Variants in RPS4Y1 observed in about 807,000 individuals in gnomAD.
RPS4Y1 encodes small ribosomal subunit protein eS4, Y isoform 1.
For missense variants in RPS4Y1, 30 were observed against 60.9 expected, an observed-to-expected ratio of 0.49 and a Z score of 1.69; for synonymous variants, 23 against 20.8, an observed-to-expected ratio of 1.10 and a Z score of -0.28.
intron 4 of RPS4Y1, among the ~76,000 whole-genome samples, chrY:2,848,139 A>G (rs762645375): frequency 3.0e-5 from 1 of 33,725 alleles, no homozygotes; most frequent in East Asian, 7.8e-4. Flanking sequence ...ACTGAATCTC[A>G]TAAAGGTGAC....
intron 5 of RPS4Y1, among the ~76,000 whole-genome samples, chrY:2,863,567 G>A: frequency 3.0e-5 from 1 of 33,629 alleles, no homozygotes; most frequent in Non-Finnish European, 7.4e-5. Flanking sequence ...CCGCTTTTTC[G>A]GGATTATCTT....
At chrY:2,853,763 A>G in intron 4 of RPS4Y1, among the ~76,000 whole-genome samples, 1 of 33,670 alleles carries the variant, frequency 3.0e-5, no homozygotes, top group Non-Finnish European at 7.4e-5. Context: ...GAGGAAGAGC[A>G]GCATTGTGTA....
intron 2 of RPS4Y1, among the ~76,000 whole-genome samples, chrY:2,842,919 T>C: frequency 3.0e-5 from 1 of 33,644 alleles, no homozygotes; most frequent in African/African-American, 1.2e-4. Flanking sequence ...ATCGAGGCGC[T>C]TAAGATGCCA....
intron 5 of RPS4Y1, among the ~76,000 whole-genome samples, chrY:2,860,689 A>T: frequency 3.0e-5 from 1 of 33,649 alleles, no homozygotes. Context: ...ATGTCATCCC[A>T]CTGTCTTCTG....
At chrY:2,845,234 A>G (rs2051151813) in intron 3 of RPS4Y1, among the ~76,000 whole-genome samples, 4 of 31,438 alleles carry the variant, frequency 1.3e-4, no homozygotes, top group African/African-American at 3.8e-4. Context: ...GAGGGCGTAA[A>G]TGGGGCCAGG....
At chrY:2,854,116 C>G in intron 4 of RPS4Y1, 1 of 36,574 alleles carries the variant, frequency 2.7e-5, no homozygotes, top group African/African-American at 1.2e-4. Context: ...CAGGCATGAG[C>G]CACCGCACCC....
chrY:2,854,588 C>G lies in RPS4Y1; in HGVS notation c.361-12C>G, dbSNP rs770151411. ...TTACATATTGAATTGATTTTCCTTG[C>G]TGTGTTTATAGTACAAGTTGTGCAA... On this transcript the variant is annotated splice_polypyrimidine_tract_variant and intron_variant, in intron 4 of 6. Coordinates refer to ENST00000250784, the MANE Select transcript of RPS4Y1 (RefSeq NM_001008.4). 7.7e-6 allele frequency: 3 copies of G among 388,643 alleles called. No homozygotes were observed. Among genetic ancestry groups the G allele is most frequent in the Non-Finnish European group, 1.1e-5 (3 of 276,140 alleles).
chrY:2,842,332 G>A, intron 2 of RPS4Y1, 90 bp downstream of exon 2: 1 of 221,376 alleles, frequency 4.5e-6, no homozygotes, highest in South Asian at 4.1e-5. Flanking sequence ...TTTCTTGGGG[G>A]CGGCGTTTGC....
chrY:2,865,964 C>T, intron 6 of RPS4Y1, among the ~76,000 whole-genome samples: 2 of 33,776 alleles, frequency 5.9e-5, no homozygotes, highest in Admixed American at 5.3e-4. Flanking sequence ...TCACTGCAAG[C>T]TCTGCCTCCC....
At chrY:2,859,881 C>A (rs765763566) in intron 5 of RPS4Y1, among the ~76,000 whole-genome samples, 1 of 32,221 alleles carries the variant, frequency 3.1e-5, no homozygotes, top group South Asian at 7.1e-4. Flanking sequence ...TTTTGCTTAC[C>A]TTGGAAGGTC....
intron 5 of RPS4Y1, among the ~76,000 whole-genome samples, chrY:2,855,393 G>T (rs2051159250): frequency 3.0e-5 from 1 of 33,258 alleles, no homozygotes; most frequent in African/African-American, 1.2e-4. Context: ...TGCTTTTTTT[G>T]ATTTTGTTCT....
chrY:2,843,688 G>GA (rs2051150940), intron 2 of RPS4Y1, among the ~76,000 whole-genome samples: 11 of 33,481 alleles, frequency 3.3e-4, no homozygotes, highest in African/African-American at 1.3e-3. Context: ...GGCATGGTGA[G>GA]AGAGTAGTAG....
At position 2,867,160 on chromosome Y, in the gene RPS4Y1, T is replaced by C; in HGVS notation, c.*266T>C. On this transcript the variant is annotated 3_prime_UTR_variant, in exon 7 of 7. Coordinates refer to ENST00000250784, the MANE Select transcript of RPS4Y1 (RefSeq NM_001008.4). Reference sequence around the variant, plus strand: ...TCCAAAACGAAGTACAAAAAACGTATGACATTTCAGAAAGGACGGCATTCT... The same window carrying C: ...TCCAAAACGAAGTACAAAAAACGTACGACATTTCAGAAAGGACGGCATTCT... The C allele has an allele frequency of 1.2e-5, 1 of 84,816 alleles. No homozygotes were observed. Among genetic ancestry groups the C allele is most frequent in the Admixed American group, 1.7e-4 (1 of 5,930 alleles). The allele number at this position is 84,816 out of a possible 400,897, so 21.2% of individuals were successfully genotyped here. A position where few individuals can be genotyped will look rare whatever the true frequency, so the allele number is the denominator to read the frequency against.
At chrY:2,866,769 C>A (rs760154586) in intron 6 of RPS4Y1, 24 bp from the exon 7 acceptor site, 2 of 344,422 alleles carry the variant, frequency 5.8e-6, no homozygotes, top group African/African-American at 6.5e-5. Flanking sequence ...TCTGTACTTA[C>A]TTTTATCTCC....
At chrY:2,858,925 C>G (rs995376207) in intron 5 of RPS4Y1, among the ~76,000 whole-genome samples, 6 of 32,575 alleles carry the variant, frequency 1.8e-4, no homozygotes, top group Admixed American at 2.8e-4. Flanking sequence ...TTCTGCCAAC[C>G]TTGGGTTTAT....
At position 2,853,080 on chromosome Y, in the gene RPS4Y1, G is replaced by C. The variant is rs2051157200; in HGVS notation, c.361-1520G>C. ...TTCGGCCTTTTTTATAGGAGAATGAGCCAAGCTCTGGTTACTTTACTTACT... is the reference window on the plus strand; with the variant it reads ...TTCGGCCTTTTTTATAGGAGAATGACCCAAGCTCTGGTTACTTTACTTACT... On this transcript the variant is annotated intron_variant, in intron 4 of 6. Transcript: ENST00000250784. 2.4e-4 allele frequency among the ~76,000 whole-genome samples: 8 copies of C among 33,457 alleles called. No homozygotes were observed. The South Asian group carries it at 5.3e-3, about 22-fold the overall frequency. The allele number at this position is 33,457 out of a possible 37,273, so 89.8% of individuals were successfully genotyped here.
chrY:2,842,232 C>T lies in RPS4Y1; in HGVS notation c.71C>T (p.Thr24Met). 2.5e-6 allele frequency: 1 copy of T among 394,190 alleles called. No homozygotes were observed. The highest frequency in any genetic ancestry group is 3.5e-6 in the Non-Finnish European group (1 of 281,727). The change falls in exon 2 of 7, where the codon ACG (threonine) becomes ATG (methionine). Residue 24 changes from threonine (T) to methionine (M), a missense_variant. Coordinates refer to ENST00000250784, the MANE Select transcript of RPS4Y1 (RefSeq NM_001008.4). ...APKHWMLDKL[T>M]GVFAPRPSTG... ...AAGCATTGGATGCTTGACAAACTAA[C>T]GGGTGTATTTGTGAGTATAACTTTG...
intron 4 of RPS4Y1, among the ~76,000 whole-genome samples, chrY:2,852,787 T>C (rs1008371132): frequency 3.0e-5 from 1 of 33,808 alleles, no homozygotes; most frequent in African/African-American, 1.2e-4. Flanking sequence ...TTACCTTAAC[T>C]GGGGAGTTAA....
At chrY:2,861,087 C>G in intron 5 of RPS4Y1, among the ~76,000 whole-genome samples, 1 of 33,088 alleles carries the variant, frequency 3.0e-5, no homozygotes, top group African/African-American at 1.2e-4. Flanking sequence ...TTTTGCGCCT[C>G]TGACTTGTTA....
Sources: gnomAD v4.1 joint callset for allele counts (sites outside exome capture counted in the v4.1 genomes callset) on GRCh38, gnomAD v4.1.1 for gene constraint, MANE v1.5 for transcripts, NCBI Gene and HGNC (gene_info 2026-07-23, HGNC 2026-07-21) for gene names.